BMPR1B: variants seen among roughly 807,000 people sequenced by gnomAD.
BMPR1B encodes bone morphogenetic protein receptor type-1B.
In BMPR1B, 12 loss-of-function variants were observed where a neutral mutation model predicts 59.1. The ratio of observed to expected loss-of-function variants is 0.20; its 90% confidence interval spans 0.13 to 0.33. The LOEUF (loss-of-function observed/expected upper bound fraction) is 0.33, where lower values mean the gene tolerates loss of function less well. Among genes scored for constraint, BMPR1B ranks in the 10% least tolerant of loss-of-function variants. BMPR1B has a pLI of 1.00. For synonymous variants in BMPR1B, 237 were observed against 207.3 expected (o/e 1.14, Z -1.23); for missense variants, 550 against 610.9 (o/e 0.90, Z 1.05).
chr4:94,883,586 G>A (rs1369415103), intron 2 of BMPR1B, among the ~76,000 whole-genome samples: 1 of 151,524 alleles, frequency 6.6e-6, no homozygotes. Flanking sequence ...TAAAGAGAAT[G>A]TATTTTATAA....
intron 2 of BMPR1B, among the ~76,000 whole-genome samples, chr4:94,974,692 C>T (rs1730944320): frequency 6.6e-6 from 1 of 152,032 alleles, no homozygotes; most frequent in African/African-American, 2.4e-5. Context: ...GGTTAGTCTT[C>T]CCAGCTGTAT....
intron 1 of BMPR1B, among the ~76,000 whole-genome samples, chr4:94,779,614 T>C (rs996071056): frequency 1.3e-5 from 2 of 152,166 alleles, no homozygotes; most frequent in Non-Finnish European, 2.9e-5. Context: ...GTGGATCACC[T>C]GAGATAAGGA....
intron 6 of BMPR1B, among the ~76,000 whole-genome samples, chr4:95,117,876 G>A (rs1732187888): frequency 6.6e-6 from 1 of 152,132 alleles, no homozygotes; most frequent in Admixed American, 6.6e-5. Flanking sequence ...CATTATCTGA[G>A]GAGGATGTAG....
intron 3 of BMPR1B, among the ~76,000 whole-genome samples, chr4:95,081,902 C>T (rs772124740): frequency 2.6e-5 from 4 of 151,964 alleles, no homozygotes; most frequent in African/African-American, 4.8e-5. Flanking sequence ...AAGAGTTTTG[C>T]AAAAACATAG....
intron 1 of BMPR1B, among the ~76,000 whole-genome samples, chr4:94,836,390 T>TC (rs71583670): frequency 0.13 from 14,884 of 110,966 alleles, 1,203 homozygotes; most frequent in African/African-American, 0.22. Flanking sequence ...GTAAAAGTGT[T>TC]CTATTTCTCC....
At chr4:95,130,285 A>AT (rs1194687982) in intron 9 of BMPR1B, among the ~76,000 whole-genome samples, 7 of 152,024 alleles carry the variant, frequency 4.6e-5, no homozygotes, top group Non-Finnish European at 8.8e-5. Context: ...ACTCTCAAAT[A>AT]TTTTTTCTTC....
intron 3 of BMPR1B, chr4:95,091,455 C>T (rs1005263758): frequency 3.0e-6 from 3 of 985,194 alleles, no homozygotes; most frequent in Non-Finnish European, 3.6e-6. Flanking sequence ...ATTAGGCAAC[C>T]ACAGTCTGGG....
chr4:94,793,294 T>A (rs1175935198), intron 1 of BMPR1B, among the ~76,000 whole-genome samples: 2 of 152,036 alleles, frequency 1.3e-5, no homozygotes, highest in Admixed American at 1.3e-4. Flanking sequence ...TGTGATAGTT[T>A]ACTGAGAATG....
chr4:95,082,375 T>G (rs1047475374), intron 3 of BMPR1B, among the ~76,000 whole-genome samples: 1 of 151,996 alleles, frequency 6.6e-6, no homozygotes, highest in African/African-American at 2.4e-5. Flanking sequence ...AGCACAGAGC[T>G]TTACTTCCAC....
intron 2 of BMPR1B, among the ~76,000 whole-genome samples, chr4:94,893,743 C>T (rs955390200): frequency 1.3e-5 from 2 of 151,490 alleles, no homozygotes; most frequent in Admixed American, 1.3e-4. Context: ...TGAGAACCAC[C>T]AGTAGAAGGC....
chr4:94,953,269 T>C (rs1176757182), intron 2 of BMPR1B, among the ~76,000 whole-genome samples: 1 of 152,192 alleles, frequency 6.6e-6, no homozygotes, highest in Non-Finnish European at 1.5e-5. Flanking sequence ...CATTTAAGGT[T>C]AATATTGTTA....
At chr4:94,766,019 G>C (rs2110562505) in intron 1 of BMPR1B, among the ~76,000 whole-genome samples, 1 of 152,264 alleles carries the variant, frequency 6.6e-6, no homozygotes, top group African/African-American at 2.4e-5. Context: ...ACATCATAGG[G>C]ATGTTTGAGA....
intron 2 of BMPR1B, among the ~76,000 whole-genome samples, chr4:94,925,960 C>T (rs1181121968): frequency 6.6e-6 from 1 of 151,742 alleles, no homozygotes; most frequent in Non-Finnish European, 1.5e-5. Context: ...ATTTCTCCTT[C>T]CTTCCTCCCC....
At chr4:94,819,382 A>G (rs1244206532) in intron 1 of BMPR1B, among the ~76,000 whole-genome samples, 1 of 152,166 alleles carries the variant, frequency 6.6e-6, no homozygotes, top group Non-Finnish European at 1.5e-5. Context: ...GAACTGAACT[A>G]ATTTGAGCTA....
At chr4:94,971,903 G>C (rs1270783122) in intron 2 of BMPR1B, among the ~76,000 whole-genome samples, 1 of 151,760 alleles carries the variant, frequency 6.6e-6, no homozygotes, top group Non-Finnish European at 1.5e-5. Context: ...TAGAAGTATA[G>C]TATCTTATTT....
chr4:95,003,206 C>T (rs1212762421), intron 3 of BMPR1B, among the ~76,000 whole-genome samples: 2 of 152,048 alleles, frequency 1.3e-5, no homozygotes, highest in Non-Finnish European at 2.9e-5. Flanking sequence ...AAATATTTTT[C>T]TGTATTTTTA....
intron 2 of BMPR1B, among the ~76,000 whole-genome samples, chr4:94,969,184 G>A (rs1183575021): frequency 1.3e-5 from 2 of 151,880 alleles, no homozygotes. Flanking sequence ...ACATGTGCCC[G>A]CCACCACACC....
intron 2 of BMPR1B, among the ~76,000 whole-genome samples, chr4:94,882,978 ATGTGTG>A (rs112253431): frequency 1.7e-4 from 24 of 144,568 alleles, no homozygotes; most frequent in Middle Eastern, 7.1e-3. Context: ...GTGTGTGTGT[ATGTGTG>A]TGTGTGTGTG....
intron 1 of BMPR1B, among the ~76,000 whole-genome samples, chr4:94,841,713 C>A (rs143647297): frequency 1.3e-5 from 2 of 152,254 alleles, no homozygotes; most frequent in East Asian, 1.9e-4. Context: ...AGAAATCACC[C>A]GTCTTCTGCG....
Sources: gnomAD v4.1 joint callset for allele counts (sites outside exome capture counted in the v4.1 genomes callset) on GRCh38, gnomAD v4.1.1 for gene constraint, MANE v1.5 for transcripts, NCBI Gene and HGNC (gene_info 2026-07-23, HGNC 2026-07-21) for gene names.